KCNN3: variants seen among roughly 807,000 people sequenced by gnomAD.
KCNN3 encodes potassium calcium-activated channel subfamily N member 3.
In KCNN3, 16 loss-of-function variants were observed where a neutral mutation model predicts 62.9. That is an observed-to-expected ratio of 0.25 (90% confidence interval 0.17 to 0.39). KCNN3 has a LOEUF of 0.39. Ranked by LOEUF, KCNN3 falls within the 10% of genes least tolerant of loss-of-function variation. KCNN3 has a pLI of 1.00. For missense variants in KCNN3, 599 were observed against 949.4 expected, an observed-to-expected ratio of 0.63 and a Z score of 4.85; for synonymous variants, 370 against 389.2, an observed-to-expected ratio of 0.95 and a Z score of 0.58.
In KCNN3 at chr1:154,699,777, G is replaced by C. The variant is rs147073702; in HGVS notation, c.*8199C>G. 1 of 152,066 alleles carries C rather than the reference G, an allele frequency of 6.6e-6. No homozygotes were observed. Among genetic ancestry groups the C allele is most frequent in the East Asian group, 1.9e-4 (1 of 5,194 alleles). The allele number at this position is 152,066 out of a possible 1,614,324, so 9.4% of individuals were successfully genotyped here. A position where few individuals can be genotyped will look rare whatever the true frequency, so the allele number is the denominator to read the frequency against. ...TCCTCAAGGGAAGAACACAAGGATC[G>C]AGAAACACAACAATTTCTGTACTAT... On this transcript the variant is annotated 3_prime_UTR_variant, in exon 8 of 8. Coordinates refer to ENST00000271915, the MANE Select transcript of KCNN3 (RefSeq NM_002249.6).
At chr1:154,758,031 G>T (rs781007139) in intron 3 of KCNN3, among the ~76,000 whole-genome samples, 8 of 152,154 alleles carry the variant, frequency 5.3e-5, no homozygotes, top group Non-Finnish European at 1.0e-4. Context: ...TGGCTTAACC[G>T]CCAGCCTATG....
chr1:154,812,326 G>A (rs891825671), intron 2 of KCNN3, among the ~76,000 whole-genome samples: 3 of 151,850 alleles, frequency 2.0e-5, no homozygotes, highest in African/African-American at 4.8e-5. Flanking sequence ...TGTTACATAT[G>A]TATACATGTG....
intron 2 of KCNN3, among the ~76,000 whole-genome samples, chr1:154,776,165 G>A (rs573950112): frequency 3.0e-4 from 46 of 152,316 alleles, no homozygotes; most frequent in African/African-American, 1.0e-3. Context: ...CTGGAGGTGG[G>A]AGAGCTAGCC....
intron 2 of KCNN3, among the ~76,000 whole-genome samples, chr1:154,816,760 T>A (rs1557990612): frequency 6.6e-6 from 1 of 152,200 alleles, no homozygotes; most frequent in Admixed American, 6.5e-5. Context: ...TTTCCTATAT[T>A]TGCATGCTGC....
rs991192476 is a variant in KCNN3, at chr1:154,708,520, GA to G, written c.1900-249del. Among the ~76,000 whole-genome samples the G allele has an allele frequency of 1.9e-4, 29 of 151,578 alleles. No homozygotes were observed. The East Asian group carries it at 3.9e-3, about 20-fold the overall frequency. On this transcript the variant is annotated intron_variant, in intron 7 of 7. Coordinates refer to ENST00000271915, the MANE Select transcript of KCNN3 (RefSeq NM_002249.6). ...TTTATTAGAAAATATGCACCAAGGG[GA>G]AAAAAATGGCCCTTTTTTTTTTCTT...
At chr1:154,817,181 T>G (rs1245810152) in intron 2 of KCNN3, among the ~76,000 whole-genome samples, 1 of 152,214 alleles carries the variant, frequency 6.6e-6, no homozygotes, top group Non-Finnish European at 1.5e-5. Flanking sequence ...CTGAGGAAGC[T>G]GAAAGGCTGA....
At chr1:154,865,479 C>T (rs1271801327) in intron 1 of KCNN3, among the ~76,000 whole-genome samples, 1 of 152,198 alleles carries the variant, frequency 6.6e-6, no homozygotes, top group African/African-American at 2.4e-5. Flanking sequence ...AGAAGCTCTC[C>T]TCTTATCTGA....
intron 3 of KCNN3, among the ~76,000 whole-genome samples, chr1:154,738,060 A>G (rs755839096): frequency 1.9e-4 from 29 of 152,234 alleles, no homozygotes; most frequent in Admixed American, 5.9e-4. Flanking sequence ...TATTTTAAAA[A>G]TCATTCAAAA....
chr1:154,803,864 C>G (rs1004308296), intron 2 of KCNN3, among the ~76,000 whole-genome samples: 2 of 152,246 alleles, frequency 1.3e-5, no homozygotes, highest in Non-Finnish European at 2.9e-5. Context: ...GAGCCTCACA[C>G]ACCAAGGATT....
At position 154,824,228 on chromosome 1, in the gene KCNN3, G is replaced by A. The variant is rs1211722367; in HGVS notation, c.934-2044C>T. On this transcript the variant is annotated intron_variant, in intron 1 of 7. Transcript: ENST00000271915. ...GGAAAAGGTCTCCATTATTTGCTAT[G>A]CATAAGATGATCTACACATAAGCCA... is the stretch of plus-strand genomic sequence containing the variant. 2.0e-5 allele frequency among the ~76,000 whole-genome samples: 3 copies of A among 150,346 alleles called. No individual in the cohort carries two copies. In the East Asian group the frequency reaches 5.9e-4, roughly 29 times the overall value.
At chr1:154,752,779 G>A (rs1204731697) in intron 3 of KCNN3, among the ~76,000 whole-genome samples, 1 of 152,200 alleles carries the variant, frequency 6.6e-6, no homozygotes, top group Non-Finnish European at 1.5e-5. Context: ...ACACTATGGT[G>A]GGGGAGTTAC....
chr1:154,869,854 TTGCTGCTGCTGCTGC>T lies in KCNN3; in HGVS notation c.96_110del (p.Gln37_Gln41del). 8 of 1,583,706 alleles carry T rather than the reference TTGCTGCTGCTGCTGC, an allele frequency of 5.1e-6. 1 individual carries two copies. In the South Asian group the frequency reaches 6.8e-5, roughly 14 times the overall value. ...CTGGCGGTGGTGGCTGCTGCTGCTG[TTGCTGCTGCTGCTGC>T]TGCTGCTGCTCATCCCCAGAGGATG... is the stretch of plus-strand genomic sequence containing the variant. On this transcript the variant is annotated inframe_deletion, in exon 1 of 8. Transcript: ENST00000271915. The surrounding 1 kb of genome is among the most constrained non-coding windows in gnomAD (Gnocchi z 6.1).
At chr1:154,829,027 C>A (rs1651270022) in intron 1 of KCNN3, among the ~76,000 whole-genome samples, 1 of 152,252 alleles carries the variant, frequency 6.6e-6, no homozygotes, top group East Asian at 1.9e-4. Flanking sequence ...CCCGCTCCAA[C>A]CCCAACCTGC....
intron 2 of KCNN3, among the ~76,000 whole-genome samples, chr1:154,774,229 C>T (rs1369688273): frequency 6.6e-6 from 1 of 152,210 alleles, no homozygotes; most frequent in Non-Finnish European, 1.5e-5. Context: ...TGTAAAATGA[C>T]AGTTGGGCTC....
intron 1 of KCNN3, among the ~76,000 whole-genome samples, chr1:154,843,721 G>A (rs986694385): frequency 6.6e-5 from 10 of 152,284 alleles, no homozygotes; most frequent in South Asian, 2.1e-4. Context: ...GTTCTCTCCC[G>A]GAGACTCCTT....
intron 1 of KCNN3, chr1:154,859,759 C>A (rs370405501): frequency 6.2e-7 from 1 of 1,614,060 alleles, no homozygotes; most frequent in Admixed American, 1.7e-5. Flanking sequence ...GCAGATGTCG[C>A]GTGGCAGGCC....
At chr1:154,800,692 G>A (rs1374066203) in intron 2 of KCNN3, among the ~76,000 whole-genome samples, 1 of 152,122 alleles carries the variant, frequency 6.6e-6, no homozygotes, top group Non-Finnish European at 1.5e-5. Flanking sequence ...TTAAGCAGGA[G>A]TTCCTTCCCT....
chr1:154,857,472 CT>C (rs1652584658), intron 1 of KCNN3, among the ~76,000 whole-genome samples: 1 of 118,882 alleles, frequency 8.4e-6, no homozygotes, highest in Admixed American at 1.0e-4. Context: ...AAAACATCCC[CT>C]GAGGCTCTGG....
intron 6 of KCNN3, among the ~76,000 whole-genome samples, chr1:154,714,612 G>GTGTGTGTGTGTGTGTGTGTGT (rs1553227050): frequency 4.0e-5 from 1 of 24,822 alleles, no homozygotes; most frequent in Non-Finnish European, 1.0e-4. Flanking sequence ...TGTGGTGTGT[G>GTGTGTGTGTGTGTGTGTGTGT]GTGTGTGTGT....
Sources: allele counts gnomAD v4.1 joint callset (sites outside exome capture counted in the v4.1 genomes callset), GRCh38; gene constraint gnomAD v4.1.1; non-coding constraint Gnocchi (gnomAD v3.1); transcripts MANE v1.5; gene names NCBI Gene and HGNC (gene_info 2026-07-23, HGNC 2026-07-21).